Variants in SPMIP2 observed in about 807,000 individuals in gnomAD.
The protein encoded by SPMIP2 is sperm microtubule inner protein 2.
At chr4:159,058,834 GTAA>G in the SPMIP2 span, among the ~76,000 whole-genome samples, 15 of 152,172 alleles carry the variant, frequency 9.9e-5, no homozygotes, top group South Asian at 1.5e-3. Flanking sequence ...AAGAATAACT[GTAA>G]TAATAATATT....
the SPMIP2 span, among the ~76,000 whole-genome samples, chr4:159,001,901 A>G: frequency 2.0e-5 from 3 of 152,180 alleles, no homozygotes; most frequent in Non-Finnish European, 4.4e-5. Context: ...TTCTGTTTTT[A>G]GCTCTTTGAG....
the SPMIP2 span, chr4:158,907,703 C>T: frequency 6.6e-6 from 1 of 152,058 alleles, no homozygotes; most frequent in African/African-American, 2.4e-5. Context: ...TAAATGTGAA[C>T]CATTTGTTTT....
chr4:159,049,832 T>C, the SPMIP2 span, among the ~76,000 whole-genome samples: 79,795 of 151,990 alleles, frequency 0.53, 21,587 homozygotes, highest in East Asian at 0.76. Flanking sequence ...AAATAGGGTT[T>C]GACTTCCACA....
chr4:159,070,522 C>G, the SPMIP2 span, among the ~76,000 whole-genome samples: 3 of 152,112 alleles, frequency 2.0e-5, no homozygotes, highest in Admixed American at 1.3e-4. Context: ...GTTTTAATGC[C>G]AGATGATGCC....
chr4:159,040,296 C>T, the SPMIP2 span, among the ~76,000 whole-genome samples: 521 of 151,942 alleles, frequency 3.4e-3, 3 homozygotes, highest in African/African-American at 0.012. Context: ...CTCAGCCTCC[C>T]GAGTAGCTGG....
chr4:159,001,358 T>TA, the SPMIP2 span, among the ~76,000 whole-genome samples: 97 of 152,326 alleles, frequency 6.4e-4, no homozygotes, highest in African/African-American at 2.2e-3. Context: ...TTGAGCTTTT[T>TA]AAAAAACTTT....
At chr4:159,063,356 C>T in the SPMIP2 span, among the ~76,000 whole-genome samples, 1 of 151,922 alleles carries the variant, frequency 6.6e-6, no homozygotes, top group Non-Finnish European at 1.5e-5. Flanking sequence ...CTCAGGAGTT[C>T]GAGACCAGCA....
the SPMIP2 span, among the ~76,000 whole-genome samples, chr4:158,973,983 C>CAAAA: frequency 7.0e-3 from 448 of 64,282 alleles, 2 homozygotes; most frequent in Middle Eastern, 0.016. Context: ...AAGGCCACCT[C>CAAAA]AAAAAAAAAA....
the SPMIP2 span, among the ~76,000 whole-genome samples, chr4:159,081,285 C>T: frequency 3.3e-5 from 5 of 152,012 alleles, no homozygotes; most frequent in African/African-American, 4.8e-5. Context: ...GTGCTTCAAC[C>T]GCCTCAGCCA....
At chr4:158,899,260 T>C in the SPMIP2 span, among the ~76,000 whole-genome samples, 2 of 152,218 alleles carry the variant, frequency 1.3e-5, no homozygotes, top group Non-Finnish European at 2.9e-5. Context: ...CAGTGTTTTA[T>C]TGAGGATTTT....
At chr4:159,032,613 A>G in the SPMIP2 span, among the ~76,000 whole-genome samples, 3 of 152,222 alleles carry the variant, frequency 2.0e-5, no homozygotes, top group Non-Finnish European at 4.4e-5. Flanking sequence ...CAAATGACAG[A>G]AAACCCAACC....
the SPMIP2 span, among the ~76,000 whole-genome samples, chr4:158,944,056 A>G: frequency 6.6e-6 from 1 of 151,792 alleles, no homozygotes; most frequent in Non-Finnish European, 1.5e-5. Flanking sequence ...GGGTTTCACC[A>G]TGTTGGCCAG....
the SPMIP2 span, among the ~76,000 whole-genome samples, chr4:158,925,677 A>C: frequency 0.71 from 107,695 of 152,096 alleles, 38,918 homozygotes; most frequent in East Asian, 0.95. Flanking sequence ...TGACAGGAGG[A>C]AGAGCTCAGG....
At chr4:158,917,554 CA>C in the SPMIP2 span, among the ~76,000 whole-genome samples, 8 of 151,922 alleles carry the variant, frequency 5.3e-5, no homozygotes, top group Non-Finnish European at 1.2e-4. Flanking sequence ...GCACTCTGAG[CA>C]AAAGACTCAC....
chr4:158,898,084 T>C, the SPMIP2 span, among the ~76,000 whole-genome samples: 1 of 152,216 alleles, frequency 6.6e-6, no homozygotes, highest in African/African-American at 2.4e-5. Context: ...ACACCATTTA[T>C]TAAATAGGGA....
chr4:158,992,854 T>C, the SPMIP2 span, among the ~76,000 whole-genome samples: 1 of 152,210 alleles, frequency 6.6e-6, no homozygotes. Context: ...CCTCATGGCC[T>C]AATCATCTCT....
the SPMIP2 span, among the ~76,000 whole-genome samples, chr4:159,022,619 C>T: frequency 6.6e-6 from 1 of 152,164 alleles, no homozygotes; most frequent in Non-Finnish European, 1.5e-5. Context: ...GGGCCTGAGG[C>T]TCTGCATTCT....
chr4:158,902,988 G>C, the SPMIP2 span, among the ~76,000 whole-genome samples: 6 of 152,308 alleles, frequency 3.9e-5, no homozygotes, highest in South Asian at 1.2e-3. Flanking sequence ...TTCCAGGGGA[G>C]TGAACCGTTC....
chr4:158,965,364 C>A, the SPMIP2 span, among the ~76,000 whole-genome samples: 80,855 of 151,724 alleles, frequency 0.53, 22,706 homozygotes, highest in South Asian at 0.64. Context: ...GTTGATGATT[C>A]CTAGCAGGGT....
Sources: gnomAD v4.1 joint callset for allele counts (sites outside exome capture counted in the v4.1 genomes callset) on GRCh38, gnomAD v4.1.1 for gene constraint, MANE v1.5 for transcripts, NCBI Gene and HGNC (gene_info 2026-07-23, HGNC 2026-07-21) for gene names.